The following ZXDC variants were observed in gnomAD, a reference collection of about 807,000 sequenced individuals.
The protein encoded by ZXDC is ZXD family zinc finger C, also known as zinc finger protein ZXDC.
In ZXDC, 58 loss-of-function variants were observed where a neutral mutation model predicts 63.6. The observed-to-expected ratio is 0.91, with a 90% CI of 0.74 to 1.13. ZXDC has a LOEUF of 1.13. ZXDC is among the 50% of genes most tolerant of loss of function. ZXDC has a pLI of 0.00. For synonymous variants in ZXDC, 561 were observed against 496.1 expected (o/e 1.13, Z -1.74); for missense variants, 1,133 against 1,148.9 (o/e 0.99, Z 0.20).
rs578023288 is a variant in ZXDC, at chr3:126,456,362, G to A, written c.2212+3291C>T. On this transcript the variant is annotated intron_variant, in intron 7 of 9. Transcript: ENST00000389709. ...AGTCTGTGCTAACCCTGTGGTGGAG[G>A]CCTCGGGCACACAGCGCCAGCTCAG... 2.0e-5 allele frequency among the ~76,000 whole-genome samples: 3 copies of A among 152,322 alleles called. No individual in the cohort carries two copies. In the East Asian group the frequency reaches 5.8e-4, roughly 29 times the overall value.
Position 126,461,813 on chromosome 3 carries a change from T to G in ZXDC, c.1849A>C (p.Met617Leu), listed in dbSNP as rs866967959. ...AGTGGGTCGTCACTCAAGTTCTTCATGGGCAGAGCCACCAGACAGCCTAAT... is the reference window on the plus strand; with the variant it reads ...AGTGGGTCGTCACTCAAGTTCTTCAGGGGCAGAGCCACCAGACAGCCTAAT... ...GALGCLVALP[M>L]KNLSDDPLAL... is the part of the protein sequence containing the mutation. Residue 617 changes from methionine (M) to leucine (L), a missense_variant, in exon 6 of 10, where the codon ATG (methionine) becomes CTG (leucine). By Grantham distance (15) the Met-to-Leu change is conservative (BLOSUM62 2). Coordinates refer to ENST00000389709, the MANE Select transcript of ZXDC (RefSeq NM_025112.5). The G allele has an allele frequency of 6.2e-7, 1 of 1,614,020 alleles. No homozygotes were observed. Among genetic ancestry groups the G allele is most frequent in the Non-Finnish European group, 8.5e-7 (1 of 1,180,020 alleles).
intron 7 of ZXDC, chr3:126,452,172 G>T (rs1405296591): frequency 1.0e-6 from 1 of 985,294 alleles, no homozygotes; most frequent in Non-Finnish European, 1.2e-6. Flanking sequence ...CGCAGCCCCA[G>T]CACCAGAACA....
chr3:126,445,492 T>C (rs1228526252), intron 7 of ZXDC, among the ~76,000 whole-genome samples: 1 of 151,984 alleles, frequency 6.6e-6, no homozygotes, highest in East Asian at 1.9e-4. Context: ...GAACTGCCCC[T>C]GGGTTTGGTG....
At chr3:126,464,394 TA>T (rs1934670256) in intron 5 of ZXDC, among the ~76,000 whole-genome samples, 1 of 152,242 alleles carries the variant, frequency 6.6e-6, no homozygotes, top group Admixed American at 6.5e-5. Flanking sequence ...GGACCACCAT[TA>T]GGGGGACTGA....
intron 7 of ZXDC, among the ~76,000 whole-genome samples, chr3:126,456,596 G>A (rs1193364229): frequency 6.6e-6 from 1 of 152,190 alleles, no homozygotes; most frequent in African/African-American, 2.4e-5. Context: ...CCTTGCCTGG[G>A]CCCCTTTTCC....
rs1935159064 is a variant in ZXDC at position 126,475,382 on chromosome 3, G to A, written c.484C>T (p.Arg162Cys). ...GPATAGAAAP[R>C]RAPQASGPST... ...GGGCCGGAGGCCTGGGGCGCGCGGCGGGGAGCGGCGGCGCCCGCGGTTGCG... is the reference window on the plus strand; with the variant it reads ...GGGCCGGAGGCCTGGGGCGCGCGGCAGGGAGCGGCGGCGCCCGCGGTTGCG... Residue 162 changes from arginine (R) to cysteine (C), a missense_variant, in exon 1 of 10, where the codon CGC becomes TGC. Coordinates refer to ENST00000389709, the MANE Select transcript of ZXDC (RefSeq NM_025112.5). 1 of 1,234,278 alleles carries A rather than the reference G, an allele frequency of 8.1e-7. No individual in the cohort carries two copies. The highest frequency in any genetic ancestry group is 1.0e-6 in the Non-Finnish European group (1 of 985,072). 76.5% of individuals were successfully genotyped at this position (1,234,278 alleles called of 1,614,324 possible).
intron 6 of ZXDC, chr3:126,460,977 A>C (rs1049337672): frequency 1.0e-6 from 1 of 974,116 alleles, no homozygotes; most frequent in East Asian, 1.1e-4. Flanking sequence ...TTTAAATTAA[A>C]TTATATTAAA....
At position 126,461,645 on chromosome 3, in the gene ZXDC, C is replaced by T. The variant is rs760403244; in HGVS notation, c.2017G>A (p.Gly673Arg). The T allele has an allele frequency of 4.3e-6, 7 of 1,613,662 alleles. No homozygotes were observed. The highest frequency in any genetic ancestry group is 3.4e-6 in the Non-Finnish European group (4 of 1,179,982). Residue 673 changes from glycine (G) to arginine (R), a missense_variant, in exon 6 of 10, where the codon GGG (glycine) becomes AGG (arginine). Coordinates refer to ENST00000389709, the MANE Select transcript of ZXDC (RefSeq NM_025112.5). Reference sequence around the variant, plus strand: ...AGCCCATGGCTTCCTTCCTGCTGCCCAACTGCTCCTGGGCGAGAAGGCGAG... The same window carrying T: ...AGCCCATGGCTTCCTTCCTGCTGCCTAACTGCTCCTGGGCGAGAAGGCGAG... ...PDSPSRPGAV[G>R]QQEGSHGLPQ...
Position 126,439,915 on chromosome 3 carries a change from G to T in ZXDC, c.2395-188C>A, listed in dbSNP as rs546168593. ...GCTGGGTACTACCTGTTCCCACCTG[G>T]TTCTCATTCTGTCACCTTGATCCCA... is the stretch of plus-strand genomic sequence containing the variant. On this transcript the variant is annotated intron_variant, in intron 8 of 9. Transcript: ENST00000389709. 168 of 1,411,228 alleles carry T rather than the reference G, an allele frequency of 1.2e-4. No homozygotes were observed. In the African/African-American group the frequency reaches 2.0e-3, roughly 17 times the overall value. The allele number at this position is 1,411,228 out of a possible 1,614,324, so 87.4% of individuals were successfully genotyped here.
At chr3:126,460,803 A>G (rs1934496472) in intron 6 of ZXDC, 2 of 984,734 alleles carry the variant, frequency 2.0e-6, no homozygotes, top group South Asian at 9.4e-5. Flanking sequence ...TCCTACTGCA[A>G]AAGATGTAAC....
chr3:126,452,877 C>A (rs1934159260), intron 7 of ZXDC: 1 of 326,970 alleles, frequency 3.1e-6, no homozygotes, highest in Admixed American at 6.5e-5. Flanking sequence ...TAATTGGGAC[C>A]ACAGGTGTGC....
At chr3:126,473,187 G>A (rs1270495904) in intron 1 of ZXDC, among the ~76,000 whole-genome samples, 2 of 152,070 alleles carry the variant, frequency 1.3e-5, no homozygotes, top group African/African-American at 4.8e-5. Flanking sequence ...AGGGTATTTT[G>A]GGCTTCGGTG....
intron 7 of ZXDC, chr3:126,458,713 C>G (rs1934405863): frequency 1.0e-6 from 1 of 985,280 alleles, no homozygotes; most frequent in Non-Finnish European, 1.2e-6. Context: ...ATAAAGGCAT[C>G]CGCTTTCCTT....
chr3:126,463,198 A>AACTG (rs1203216515), intron 5 of ZXDC, among the ~76,000 whole-genome samples: 1 of 151,976 alleles, frequency 6.6e-6, no homozygotes, highest in African/African-American at 2.4e-5. Flanking sequence ...CTCCCCGAGT[A>AACTG]ACTGGGACTA....
chr3:126,441,375 C>G lies in ZXDC; in HGVS notation c.2394+390G>C, dbSNP rs150274902. ...GAAATGGGGTGGCTGAGACGGCCTG[C>G]GGAGCCCTTTTGCCCCAGCCCTGCA... On this transcript the variant is annotated intron_variant, in intron 8 of 9. Coordinates refer to ENST00000389709, the MANE Select transcript of ZXDC (RefSeq NM_025112.5). 7.2e-4 allele frequency: 743 copies of G among 1,038,514 alleles called. 5 individuals carry two copies. The African/African-American group carries it at 0.012, about 17-fold the overall frequency. 64.3% of individuals were successfully genotyped at this position (1,038,514 alleles called of 1,614,324 possible). A position where few individuals can be genotyped will look rare whatever the true frequency, so the allele number is the denominator to read the frequency against.
intron 5 of ZXDC, among the ~76,000 whole-genome samples, chr3:126,464,283 C>T (rs908275389): frequency 2.0e-5 from 3 of 152,228 alleles, no homozygotes; most frequent in Admixed American, 6.5e-5. Context: ...ATGATCACCA[C>T]AGTTCAAAGC....
intron 8 of ZXDC, chr3:126,440,909 G>A (rs1933650699): frequency 1.0e-6 from 1 of 985,612 alleles, no homozygotes; most frequent in Non-Finnish European, 1.2e-6. Flanking sequence ...ACCCACAAAC[G>A]TGCCTGTTTC....
rs185681052 is a variant in ZXDC at position 126,454,011 on chromosome 3, G to A, written c.2212+5642C>T. 11 of 813,380 alleles carry A rather than the reference G, an allele frequency of 1.4e-5. No homozygotes were observed. The East Asian group carries it at 1.4e-3, about 102-fold the overall frequency. 50.4% of individuals were successfully genotyped at this position (813,380 alleles called of 1,614,324 possible). A position where few individuals can be genotyped will look rare whatever the true frequency, so the allele number is the denominator to read the frequency against. On this transcript the variant is annotated intron_variant, in intron 7 of 9. Coordinates refer to ENST00000389709, the MANE Select transcript of ZXDC (RefSeq NM_025112.5). Reference sequence around the variant, plus strand: ...TACATATAGGCATATATATATATAAGCAGTACTATATATTATGTATATATA... The same window carrying A: ...TACATATAGGCATATATATATATAAACAGTACTATATATTATGTATATATA...
intron 7 of ZXDC, chr3:126,454,634 G>A (rs1200883958): frequency 1.0e-6 from 1 of 985,230 alleles, no homozygotes; most frequent in African/African-American, 1.7e-5. Flanking sequence ...ACACTTCACT[G>A]TGACACAGGA....
Sources: gnomAD v4.1 joint callset for allele counts (sites outside exome capture counted in the v4.1 genomes callset) on GRCh38, gnomAD v4.1.1 for gene constraint, MANE v1.5 for transcripts, NCBI Gene and HGNC (gene_info 2026-07-23, HGNC 2026-07-21) for gene names.